The following PALLD variants were observed in gnomAD, a reference collection of about 807,000 sequenced individuals.
PALLD encodes palladin.
Under a neutral mutation model 123.5 loss-of-function variants are expected in PALLD, and 61 were observed. The observed-to-expected ratio is 0.49, with a 90% CI of 0.40 to 0.61. PALLD has a LOEUF of 0.61. Among genes scored for constraint, PALLD ranks in the 20% least tolerant of loss-of-function variants. The pLI, the probability that PALLD is intolerant of heterozygous loss-of-function variation, is 0.00. For missense variants in PALLD, 1,273 were observed against 1,377.0 expected (o/e 0.92, Z 1.20); for synonymous variants, 465 against 496.4 (o/e 0.94, Z 0.84).
chr4:168,640,043 A>G (rs999910974), intron 2 of PALLD, among the ~76,000 whole-genome samples: 4 of 152,228 alleles, frequency 2.6e-5, no homozygotes, highest in African/African-American at 4.8e-5. Flanking sequence ...GAAGTGGACA[A>G]AGAAGTCTCA....
chr4:168,643,826 A>G (rs373936868), intron 2 of PALLD, among the ~76,000 whole-genome samples: 3 of 152,260 alleles, frequency 2.0e-5, no homozygotes, highest in South Asian at 2.1e-4. Context: ...TTCTCCTTTA[A>G]TAATCCCAGG....
chr4:168,532,253 A>G (rs1764670956), intron 2 of PALLD, among the ~76,000 whole-genome samples: 1 of 152,196 alleles, frequency 6.6e-6, no homozygotes. Context: ...CCTGCAAGGG[A>G]TATGATCTCG....
At position 168,795,632 on chromosome 4, in the gene PALLD, T is replaced by G. The variant is rs144976254; in HGVS notation, c.1964+83709T>G. Among the ~76,000 whole-genome samples, 230 of 152,298 alleles carry G rather than the reference T, an allele frequency of 1.5e-3. 1 individual carries two copies. The highest frequency in any genetic ancestry group is 0.011 in the South Asian group (54 of 4,818). On this transcript the variant is annotated intron_variant, in intron 10 of 21. Coordinates refer to ENST00000505667, the MANE Select transcript of PALLD (RefSeq NM_001166108.2). ...TCTAAGGAATGAATATAGAATGTTC[T>G]ATTCCCCACAGGTCTCTGCAGTGAA...
chr4:168,603,328 G>C (rs7696594), intron 2 of PALLD, among the ~76,000 whole-genome samples: 14,336 of 152,022 alleles, frequency 0.094, 746 homozygotes, highest in African/African-American at 0.12. Context: ...GCAGTTTTTT[G>C]TTCATCTAAA....
At chr4:168,630,435 A>G (rs560758049) in intron 2 of PALLD, among the ~76,000 whole-genome samples, 61 of 152,370 alleles carry the variant, frequency 4.0e-4, no homozygotes, top group African/African-American at 1.3e-3. Context: ...GGAAAATTTA[A>G]TAAGGAAGAA....
chr4:168,888,408 T>C (rs1349546918), intron 10 of PALLD, among the ~76,000 whole-genome samples: 1 of 152,150 alleles, frequency 6.6e-6, no homozygotes, highest in Admixed American at 6.5e-5. Context: ...GGTAGTTCCA[T>C]GGTAGGTTAA....
chr4:168,799,222 G>C (rs1738957373), intron 10 of PALLD, among the ~76,000 whole-genome samples: 2 of 152,164 alleles, frequency 1.3e-5, no homozygotes, highest in African/African-American at 4.8e-5. Flanking sequence ...TGTTACAGAT[G>C]CAAACTTTTA....
At chr4:168,700,251 G>C (rs1211520044) in intron 8 of PALLD, 1 of 152,756 alleles carries the variant, frequency 6.5e-6, no homozygotes, top group Non-Finnish European at 1.5e-5. Context: ...ATTTTATCTA[G>C]TTAAAAAAAA....
chr4:168,783,944 T>C (rs1736309949), intron 10 of PALLD, among the ~76,000 whole-genome samples: 1 of 152,096 alleles, frequency 6.6e-6, no homozygotes, highest in Non-Finnish European at 1.5e-5. Flanking sequence ...AAGTGAGGAA[T>C]GTAAAAGGTA....
chr4:168,894,272 T>C (rs1754648760), intron 11 of PALLD: 1 of 379,138 alleles, frequency 2.6e-6, no homozygotes, highest in Non-Finnish European at 4.9e-6. Context: ...ATATCTTTTT[T>C]TCCATGTTTT....
intron 1 of PALLD, among the ~76,000 whole-genome samples, chr4:168,499,157 T>C (rs1436066643): frequency 8.2e-6 from 1 of 122,632 alleles, no homozygotes; most frequent in African/African-American, 3.2e-5. Flanking sequence ...TGTTTGACTT[T>C]TGCCCTAAAG....
At chr4:168,839,548 T>G (rs887867349) in intron 10 of PALLD, among the ~76,000 whole-genome samples, 2 of 127,908 alleles carry the variant, frequency 1.6e-5, no homozygotes, top group African/African-American at 6.0e-5. Flanking sequence ...GAGAAGGAAT[T>G]GACTACAAGT....
At chr4:168,829,155 C>G (rs946164998) in intron 10 of PALLD, 4 of 152,232 alleles carry the variant, frequency 2.6e-5, no homozygotes, top group Non-Finnish European at 5.9e-5. Flanking sequence ...TGTGTAAAAC[C>G]TTCAAAGTTG....
chr4:168,746,084 T>C (rs950423691), intron 10 of PALLD, among the ~76,000 whole-genome samples: 2 of 152,174 alleles, frequency 1.3e-5, no homozygotes, highest in Non-Finnish European at 2.9e-5. Context: ...ACAATGTCCC[T>C]GTTCTTACCA....
intron 3 of PALLD, among the ~76,000 whole-genome samples, chr4:168,679,832 C>T (rs184707955): frequency 4.6e-4 from 70 of 151,904 alleles, no homozygotes; most frequent in African/African-American, 1.5e-3. Flanking sequence ...GGGAGGGCAA[C>T]GATGAATTTG....
At chr4:168,670,672 G>C (rs912387369) in intron 3 of PALLD, among the ~76,000 whole-genome samples, 2 of 147,406 alleles carry the variant, frequency 1.4e-5, no homozygotes, top group African/African-American at 5.1e-5. Flanking sequence ...AGCGGAGCTT[G>C]CAGTGAGCCG....
intron 10 of PALLD, chr4:168,878,485 C>T (rs1049222193): frequency 5.1e-6 from 5 of 980,520 alleles, no homozygotes. Flanking sequence ...CTCCCATCAG[C>T]CTGCAACCCA....
chr4:168,892,014 C>T (rs944982491), intron 11 of PALLD, among the ~76,000 whole-genome samples: 2 of 152,134 alleles, frequency 1.3e-5, no homozygotes, highest in African/African-American at 4.8e-5. Flanking sequence ...TATTTTACAG[C>T]TGCAGAACTG....
intron 2 of PALLD, among the ~76,000 whole-genome samples, chr4:168,516,970 G>A (rs1763046634): frequency 6.6e-6 from 1 of 152,158 alleles, no homozygotes; most frequent in South Asian, 2.1e-4. Context: ...GAAACATTCA[G>A]TGTTGGGTAG....
Sources: allele counts gnomAD v4.1 joint callset (sites outside exome capture counted in the v4.1 genomes callset), GRCh38; gene constraint gnomAD v4.1.1; transcripts MANE v1.5; gene names NCBI Gene and HGNC (gene_info 2026-07-23, HGNC 2026-07-21).